The following EHBP1 variants were observed in gnomAD, a reference collection of about 807,000 sequenced individuals.
EHBP1 encodes EH domain-binding protein 1.
Under a neutral mutation model 144.0 loss-of-function variants are expected in EHBP1, and 55 were observed. The observed-to-expected ratio is 0.38, with a 90% CI of 0.31 to 0.48. EHBP1 has a LOEUF of 0.48. EHBP1 is among the 20% of genes least tolerant of loss of function. The probability of loss-of-function intolerance (pLI) is 0.98; values close to 1 mark genes in which losing one functional copy is unlikely to be tolerated. For synonymous variants in EHBP1, 469 were observed against 472.7 expected, an observed-to-expected ratio of 0.99 and a Z score of 0.10; for missense variants, 1,200 against 1,364.2, an observed-to-expected ratio of 0.88 and a Z score of 1.90.
chr2:62,774,181 G>A (rs770154014), intron 5 of EHBP1, among the ~76,000 whole-genome samples: 1 of 151,994 alleles, frequency 6.6e-6, no homozygotes, highest in Non-Finnish European at 1.5e-5. Flanking sequence ...GACCATTCTG[G>A]CCAACATGGT....
At chr2:62,835,626 T>G (rs942221173) in intron 7 of EHBP1, among the ~76,000 whole-genome samples, 2 of 152,066 alleles carry the variant, frequency 1.3e-5, no homozygotes, top group Non-Finnish European at 2.9e-5. Flanking sequence ...CGCAGGCCAG[T>G]GGGTGCGCGC....
intron 1 of EHBP1, among the ~76,000 whole-genome samples, chr2:62,688,957 T>C (rs1343306379): frequency 6.6e-6 from 1 of 152,230 alleles, no homozygotes; most frequent in South Asian, 2.1e-4. Flanking sequence ...GGTCCTGGTA[T>C]GCATACTGAG....
intron 3 of EHBP1, among the ~76,000 whole-genome samples, chr2:62,755,883 T>G (rs1012805178): frequency 1.3e-5 from 2 of 152,104 alleles, no homozygotes; most frequent in African/African-American, 4.8e-5. Context: ...ATAATTAGCT[T>G]GAATGCCACA....
chr2:62,682,689 C>A (rs899959150), intron 1 of EHBP1, among the ~76,000 whole-genome samples: 1 of 152,178 alleles, frequency 6.6e-6, no homozygotes, highest in Non-Finnish European at 1.5e-5. Flanking sequence ...TTAACGAGGT[C>A]ATAAGCCTAT....
intron 7 of EHBP1, among the ~76,000 whole-genome samples, chr2:62,845,561 A>G (rs2048233460): frequency 6.6e-6 from 1 of 152,084 alleles, no homozygotes; most frequent in Admixed American, 6.5e-5. Context: ...CTTTTATTAG[A>G]AGGTTCCTTA....
At position 62,996,752 on chromosome 2, in the gene EHBP1, A is replaced by G. The variant is rs773475545; in HGVS notation, c.3089A>G (p.Tyr1030Cys). ...GCGCTGGTGGAGAAGCGCCTTCGCT[A>G]TCTCATGGACACAGGTACGGTGCCC... is the stretch of plus-strand genomic sequence containing the variant. ...RAALVEKRLR[Y>C]LMDTGRNTEE... Residue 1030 changes from tyrosine (Y) to cysteine (C), a missense_variant, in exon 19 of 23, where the codon TAT (tyrosine) becomes TGT (cysteine). Physicochemically the swap from Tyr to Cys is radical, Grantham distance 194 (BLOSUM62 -2). Transcript: ENST00000431489. 23 of 1,612,496 alleles carry G rather than the reference A, an allele frequency of 1.4e-5. No homozygotes were observed. Among genetic ancestry groups the G allele is most frequent in the Non-Finnish European group, 2.0e-5 (23 of 1,179,414 alleles).
At chr2:62,786,105 A>G (rs900141251) in intron 5 of EHBP1, among the ~76,000 whole-genome samples, 1 of 152,192 alleles carries the variant, frequency 6.6e-6, no homozygotes, top group Non-Finnish European at 1.5e-5. Flanking sequence ...AGTTAAATAG[A>G]TCAGATTATA....
intron 10 of EHBP1, among the ~76,000 whole-genome samples, chr2:62,898,753 G>A (rs532885197): frequency 5.1e-4 from 78 of 152,076 alleles, no homozygotes; most frequent in Non-Finnish European, 1.0e-3. Flanking sequence ...AGGGAGAGAA[G>A]GAAGGAAGGA....
At chr2:62,949,782 C>T (rs184145130) in intron 13 of EHBP1, among the ~76,000 whole-genome samples, 79 of 152,236 alleles carry the variant, frequency 5.2e-4, no homozygotes, top group African/African-American at 1.8e-3. Flanking sequence ...GAATACTGTA[C>T]GGTTTTAACC....
chr2:62,899,473 A>G (rs1415797896), intron 10 of EHBP1, among the ~76,000 whole-genome samples: 1 of 152,198 alleles, frequency 6.6e-6, no homozygotes, highest in African/African-American at 2.4e-5. Flanking sequence ...TTTGCAGTTT[A>G]TAGGCTCTCA....
At position 63,043,917 on chromosome 2, in the gene EHBP1, G is replaced by GTTTTTTTTT. The variant is rs1559110359; in HGVS notation, c.3278-1147_3278-1146insTTTTTTTTT. 1.1e-4 allele frequency: 4 copies of GTTTTTTTTT among 36,198 alleles called. 1 individual carries two copies. The highest frequency in any genetic ancestry group is 5.7e-4 in the African/African-American group (4 of 6,974). 2.2% of individuals were successfully genotyped at this position (36,198 alleles called of 1,614,324 possible). Reference sequence around the variant, plus strand: ...GGGGCTGCAGGAGTCAGTGGCCATGGTTCTTTTTTTTTTTTTTTTTTTTTT... The same window carrying GTTTTTTTTT: ...GGGGCTGCAGGAGTCAGTGGCCATGGTTTTTTTTTTTCTTTTTTTTTTTTTTTTTTTTTT... On this transcript the variant is annotated intron_variant, in intron 21 of 22. Coordinates refer to ENST00000431489, the MANE Select transcript of EHBP1 (RefSeq NM_001142616.3).
intron 7 of EHBP1, among the ~76,000 whole-genome samples, chr2:62,837,424 G>A (rs2047367797): frequency 6.6e-6 from 1 of 150,538 alleles, no homozygotes; most frequent in Admixed American, 6.6e-5. Context: ...GGAAGAAACT[G>A]CATCAACTAA....
chr2:63,005,274 A>G (rs2059992409), intron 19 of EHBP1, among the ~76,000 whole-genome samples: 1 of 152,080 alleles, frequency 6.6e-6, no homozygotes, highest in Admixed American at 6.6e-5. Context: ...GCTGTTCTTT[A>G]TTATCTTCAG....
chr2:62,768,065 A>G (rs2041339653), intron 4 of EHBP1, among the ~76,000 whole-genome samples: 1 of 152,170 alleles, frequency 6.6e-6, no homozygotes, highest in Non-Finnish European at 1.5e-5. Context: ...ACCCATATCA[A>G]GAGTTAGAAA....
intron 14 of EHBP1, among the ~76,000 whole-genome samples, chr2:62,967,211 G>A (rs1231790024): frequency 2.0e-5 from 3 of 152,152 alleles, no homozygotes; most frequent in African/African-American, 7.2e-5. Context: ...GCTACAATTT[G>A]GCTGCAGGGG....
intron 10 of EHBP1, among the ~76,000 whole-genome samples, chr2:62,893,767 G>A (rs1012920642): frequency 6.6e-6 from 1 of 152,066 alleles, no homozygotes; most frequent in Non-Finnish European, 1.5e-5. Flanking sequence ...ATTAAGGCTG[G>A]GCATGGTGAC....
intron 7 of EHBP1, among the ~76,000 whole-genome samples, chr2:62,833,563 G>T (rs932836194): frequency 2.0e-5 from 3 of 152,082 alleles, no homozygotes; most frequent in Non-Finnish European, 2.9e-5. Context: ...CCATTGTTGA[G>T]ACCTGCCGTA....
intron 10 of EHBP1, among the ~76,000 whole-genome samples, chr2:62,934,286 G>C (rs897907677): frequency 2.0e-5 from 3 of 152,212 alleles, no homozygotes; most frequent in Non-Finnish European, 1.5e-5. Context: ...CTGGGGAGAA[G>C]TGTGCAGTAG....
intron 1 of EHBP1, among the ~76,000 whole-genome samples, chr2:62,693,774 C>T (rs943646131): frequency 1.3e-5 from 2 of 152,140 alleles, no homozygotes; most frequent in Non-Finnish European, 2.9e-5. Context: ...TCTCCCCTCC[C>T]GACTACACTT....
Sources: gnomAD v4.1 joint callset for allele counts (sites outside exome capture counted in the v4.1 genomes callset) on GRCh38, gnomAD v4.1.1 for gene constraint, MANE v1.5 for transcripts, NCBI Gene and HGNC (gene_info 2026-07-23, HGNC 2026-07-21) for gene names.